Variants in EBF2 observed in about 807,000 individuals in gnomAD.
EBF2 encodes transcription factor COE2.
In EBF2, 21 loss-of-function variants were observed where a neutral mutation model predicts 72.8. The observed-to-expected ratio is 0.29, with a 90% CI of 0.20 to 0.42. EBF2 has a LOEUF of 0.42. Among genes scored for constraint, EBF2 ranks in the 10% least tolerant of loss-of-function variants. EBF2 has a pLI of 1.00. For missense variants in EBF2, 637 were observed against 731.2 expected (o/e 0.87, Z 1.49); for synonymous variants, 299 against 274.2 (o/e 1.09, Z -0.89).
intron 10 of EBF2, among the ~76,000 whole-genome samples, chr8:25,870,739 C>CTTTA (rs558199863): frequency 4.1e-4 from 62 of 152,272 alleles, no homozygotes; most frequent in Non-Finnish European, 7.6e-4. Context: ...GGCAGAGTAT[C>CTTTA]TTTACTACAC....
At chr8:26,030,045 A>T (rs1435997243) in intron 6 of EBF2, among the ~76,000 whole-genome samples, 2 of 152,000 alleles carry the variant, frequency 1.3e-5, no homozygotes, top group Non-Finnish European at 2.9e-5. Context: ...CTGAGTATCT[A>T]GGGCCACAGG....
At chr8:25,887,804 CA>C in intron 9 of EBF2, 37 bp downstream of exon 9, 1 of 1,505,104 alleles carries the variant, frequency 6.6e-7, no homozygotes, top group Non-Finnish European at 8.9e-7. Context: ...AATCTTTGGG[CA>C]AAAGGAAATC....
At position 26,032,954 on chromosome 8, in the gene EBF2, T is replaced by C. The variant is rs886953508; in HGVS notation, c.551+131A>G. 211 of 800,926 alleles carry C rather than the reference T, an allele frequency of 2.6e-4. 1 individual carries two copies. The highest frequency in any genetic ancestry group is 3.9e-4 in the South Asian group (24 of 61,424). The allele number at this position is 800,926 out of a possible 1,614,324, so 49.6% of individuals were successfully genotyped here. ...AAAGGCCAGCATGAGGAGGCCTTTG[T>C]TGGATGAGCTTAGTGACTTGAAATA... On this transcript the variant is annotated intron_variant, in intron 6 of 15. Transcript: ENST00000520164.
intron 1 of EBF2, among the ~76,000 whole-genome samples, chr8:26,042,557 A>C (rs2117268545): frequency 6.8e-6 from 1 of 147,846 alleles, no homozygotes; most frequent in South Asian, 2.1e-4. Context: ...CCCCGGCTGC[A>C]GACAGAGGCC....
intron 6 of EBF2, among the ~76,000 whole-genome samples, chr8:25,967,271 T>TA (rs1331952882): frequency 6.6e-6 from 1 of 152,206 alleles, no homozygotes; most frequent in African/African-American, 2.4e-5. Flanking sequence ...TTTTAGAAGA[T>TA]ACAAAGAAAA....
chr8:25,960,521 T>C (rs1476582664), intron 6 of EBF2, among the ~76,000 whole-genome samples: 13 of 152,204 alleles, frequency 8.5e-5, no homozygotes, highest in Admixed American at 8.5e-4. Context: ...GGATTAAAAT[T>C]GTAGAGGCGC....
At chr8:25,862,677 G>GT (rs1202936113) in intron 11 of EBF2, 32 bp downstream of exon 11, 2 of 1,518,754 alleles carry the variant, frequency 1.3e-6, no homozygotes, top group African/African-American at 2.8e-5. Flanking sequence ...CTACACAAAT[G>GT]GCTTCACATG....
intron 6 of EBF2, among the ~76,000 whole-genome samples, chr8:26,011,836 A>G (rs1805028529): frequency 6.6e-6 from 1 of 151,972 alleles, no homozygotes; most frequent in African/African-American, 2.4e-5. Flanking sequence ...ATGTGTTATC[A>G]TATTTCCAGG....
intron 10 of EBF2, among the ~76,000 whole-genome samples, chr8:25,868,819 T>C (rs777100108): frequency 6.6e-6 from 1 of 152,218 alleles, no homozygotes; most frequent in Non-Finnish European, 1.5e-5. Flanking sequence ...TAGACTTCTC[T>C]GAAAATATTT....
intron 15 of EBF2, among the ~76,000 whole-genome samples, chr8:25,849,096 G>A (rs1272525512): frequency 6.6e-6 from 1 of 152,194 alleles, no homozygotes; most frequent in Non-Finnish European, 1.5e-5. Flanking sequence ...AGACATCTGG[G>A]TGAAAATCCC....
At chr8:25,985,987 G>C (rs971075866) in intron 6 of EBF2, among the ~76,000 whole-genome samples, 6 of 60,044 alleles carry the variant, frequency 1.0e-4, no homozygotes, top group South Asian at 6.1e-4. Flanking sequence ...GGGTGACAGA[G>C]TGAAACTCTG....
At chr8:25,900,782 T>C (rs1297283144) in intron 7 of EBF2, among the ~76,000 whole-genome samples, 8 of 149,204 alleles carry the variant, frequency 5.4e-5, no homozygotes, top group African/African-American at 2.0e-4. Context: ...ACTTAAAGTA[T>C]AATAATAATA....
At chr8:26,028,825 T>C (rs1016865628) in intron 6 of EBF2, among the ~76,000 whole-genome samples, 3 of 152,240 alleles carry the variant, frequency 2.0e-5, no homozygotes, top group African/African-American at 7.2e-5. Flanking sequence ...TTCTGTTTTG[T>C]TCTGTTCTGT....
intron 10 of EBF2, among the ~76,000 whole-genome samples, chr8:25,870,665 G>C (rs760738710): frequency 3.0e-4 from 45 of 152,018 alleles, no homozygotes; most frequent in Non-Finnish European, 4.6e-4. Flanking sequence ...CAAACCACTA[G>C]GATACAGGGT....
rs1293783059 is a variant in EBF2 at position 25,842,485 on chromosome 8, C to G, written c.*2124G>C. ...AAAATTTCCTTATGTTGGATTGGCT[C>G]AAATCCAGGGCTAAACATGCTTAAT... On this transcript the variant is annotated 3_prime_UTR_variant, in exon 16 of 16. Transcript: ENST00000520164. 1 of 152,194 alleles carries G rather than the reference C, an allele frequency of 6.6e-6. No homozygotes were observed. Among genetic ancestry groups the G allele is most frequent in the African/African-American group, 2.4e-5 (1 of 41,448 alleles). The allele number at this position is 152,194 out of a possible 1,614,324, so 9.4% of individuals were successfully genotyped here.
intron 6 of EBF2, among the ~76,000 whole-genome samples, chr8:25,985,789 C>G (rs1179062631): frequency 1.3e-5 from 2 of 151,786 alleles, no homozygotes; most frequent in Non-Finnish European, 2.9e-5. Flanking sequence ...CGCTTGAGCC[C>G]AGGAGTTTAA....
At chr8:26,007,635 A>G (rs1053120414) in intron 6 of EBF2, among the ~76,000 whole-genome samples, 13 of 152,168 alleles carry the variant, frequency 8.5e-5, no homozygotes, top group African/African-American at 2.9e-4. Flanking sequence ...AATAACACTC[A>G]TCACCCCTGC....
At chr8:25,991,187 A>G (rs1804540030) in intron 6 of EBF2, among the ~76,000 whole-genome samples, 2 of 152,228 alleles carry the variant, frequency 1.3e-5, no homozygotes, top group Admixed American at 6.5e-5. Flanking sequence ...TCTTCCAATA[A>G]TACTGGGAAA....
intron 6 of EBF2, among the ~76,000 whole-genome samples, chr8:25,939,435 G>A (rs901184799): frequency 1.3e-5 from 2 of 152,176 alleles, no homozygotes; most frequent in African/African-American, 4.8e-5. Context: ...TTGCGTCCGT[G>A]TGTGTTTGTG....
Sources: gnomAD v4.1 joint callset for allele counts (sites outside exome capture counted in the v4.1 genomes callset) on GRCh38, gnomAD v4.1.1 for gene constraint, MANE v1.5 for transcripts, NCBI Gene and HGNC (gene_info 2026-07-23, HGNC 2026-07-21) for gene names.